KANK1: variants seen among roughly 807,000 people sequenced by gnomAD.
The protein encoded by KANK1 is KN motif and ankyrin repeat domains 1.
A neutral mutation model predicts 106.2 loss-of-function variants in KANK1; 109 were observed. The ratio of observed to expected loss-of-function variants is 1.03; its 90% CI spans 0.88 to 1.20. KANK1 has a LOEUF of 1.20. Among genes scored for constraint, KANK1 ranks in the 50% most tolerant of loss-of-function variants. The pLI, the probability that KANK1 is intolerant of heterozygous loss-of-function variation, is 0.00. For missense variants in KANK1, 2,399 were observed against 1,710.7 expected (o/e 1.40, Z -7.10); for synonymous variants, 873 against 652.2 (o/e 1.34, Z -5.16).
chr9:700,472 CTTAA>C (rs1335704264), intron 2 of KANK1, among the ~76,000 whole-genome samples: 1 of 152,212 alleles, frequency 6.6e-6, no homozygotes, highest in Non-Finnish European at 1.5e-5. Flanking sequence ...GATGTGCTAA[CTTAA>C]TTACTCTCAT....
intron 10 of KANK1, 122 bp downstream of exon 10, chr9:742,527 G>A (rs745430826): frequency 2.1e-5 from 15 of 713,386 alleles, no homozygotes; most frequent in East Asian, 8.2e-5. Flanking sequence ...GATTTGTGTC[G>A]CCATCTAGGT....
chr9:496,893 G>A (rs2058465992), intron 3 of KANK1, among the ~76,000 whole-genome samples: 1 of 152,134 alleles, frequency 6.6e-6, no homozygotes, highest in South Asian at 2.1e-4. Flanking sequence ...CTAGTAGAAT[G>A]ACATACACAT....
chr9:545,457 G>C (rs1005025732), intron 1 of KANK1, among the ~76,000 whole-genome samples: 10 of 152,190 alleles, frequency 6.6e-5, no homozygotes, highest in African/African-American at 2.4e-4. Context: ...GAGGTGATAA[G>C]ATCACCTAGT....
At chr9:738,758 G>A (rs1313855776) in intron 8 of KANK1, among the ~76,000 whole-genome samples, 8 of 152,220 alleles carry the variant, frequency 5.3e-5, no homozygotes, top group Admixed American at 5.2e-4. Context: ...CAGTTCAGCT[G>A]CATTCAAAAG....
At chr9:731,377 A>G (rs1832212641) in intron 5 of KANK1, 111 bp downstream of exon 5, 1 of 595,948 alleles carries the variant, frequency 1.7e-6, no homozygotes, top group Non-Finnish European at 3.0e-6. Flanking sequence ...GCAGTGATGA[A>G]AGATTCCCTC....
Position 710,886 on chromosome 9 carries a change from A to C in KANK1, c.120A>C (p.Gln40His), listed in dbSNP as rs754468839. 1.2e-6 allele frequency: 2 copies of C among 1,614,182 alleles called. No individual in the cohort carries two copies. Among genetic ancestry groups the C allele is most frequent in the Middle Eastern group, 3.3e-4 (2 of 6,062 alleles). Residue 40 changes from glutamine to histidine, a missense_variant, in exon 3 of 12, where the codon CAA (glutamine) becomes CAC (histidine). Physicochemically the swap from Gln to His is conservative, Grantham distance 24. Coordinates refer to ENST00000382297, the MANE Select transcript of KANK1 (RefSeq NM_015158.5). ...TTGTGGAGACCCCCTATGGTTATCA[A>C]CTAGACTTAGATTTCCTCAAATATG... Reference protein sequence around the residue: ...PYFVETPYGYQLDLDFLKYVD... With the variant: ...PYFVETPYGYHLDLDFLKYVD...
Position 494,410 on chromosome 9 carries a change from C to T in KANK1, c.-362+21137C>T, listed in dbSNP as rs746534142. Among the ~76,000 whole-genome samples, 110 of 152,196 alleles carry T rather than the reference C, an allele frequency of 7.2e-4. 1 individual carries two copies. Among genetic ancestry groups the T allele is most frequent in the Non-Finnish European group, 1.2e-3 (80 of 68,008 alleles). The stretch of plus-strand genomic sequence containing the variant: ...ACAAGATTCTTAGCATTTATACTGG[C>T]GGTATAGAATTCTCCCCTGTTACTG... On this transcript the variant is annotated intron_variant, in intron 3 of 15. Coordinates refer to the KANK1 transcript ENST00000382303.
chr9:637,766 C>T (rs907117756), intron 1 of KANK1, among the ~76,000 whole-genome samples: 1 of 152,096 alleles, frequency 6.6e-6, no homozygotes, highest in Non-Finnish European at 1.5e-5. Context: ...AGTGGGTACT[C>T]AGAGTATTTC....
At chr9:602,210 A>T (rs1485643702) in intron 1 of KANK1, among the ~76,000 whole-genome samples, 1 of 151,860 alleles carries the variant, frequency 6.6e-6, no homozygotes, top group Non-Finnish European at 1.5e-5. Flanking sequence ...TTCAATAACT[A>T]TTCCTGAGTT....
chr9:701,302 G>A (rs1316278108), intron 2 of KANK1, among the ~76,000 whole-genome samples: 1 of 152,136 alleles, frequency 6.6e-6, no homozygotes, highest in Non-Finnish European at 1.5e-5. Context: ...TAGTAGAGGT[G>A]GGGTTTCTCC....
At chr9:545,575 C>G (rs2060877534) in intron 1 of KANK1, among the ~76,000 whole-genome samples, 1 of 151,940 alleles carries the variant, frequency 6.6e-6, no homozygotes, top group African/African-American at 2.4e-5. Context: ...TTCATGGGTG[C>G]TTTTCAAGGA....
chr9:518,411 T>C (rs1237024154), intron 1 of KANK1, among the ~76,000 whole-genome samples: 1 of 151,530 alleles, frequency 6.6e-6, no homozygotes. Context: ...CCCAGGGCAG[T>C]TTTTACTTTA....
intron 1 of KANK1, among the ~76,000 whole-genome samples, chr9:584,592 C>T (rs143196183): frequency 1.6e-4 from 24 of 152,176 alleles, no homozygotes; most frequent in African/African-American, 4.1e-4. Context: ...TATCATTTAC[C>T]TACAGCAGAA....
intron 1 of KANK1, among the ~76,000 whole-genome samples, chr9:515,173 C>G (rs961469444): frequency 9.9e-5 from 15 of 151,402 alleles, no homozygotes; most frequent in African/African-American, 3.7e-4. Flanking sequence ...GAAACCCTAT[C>G]TCTACTAAAA....
intron 2 of KANK1, among the ~76,000 whole-genome samples, chr9:685,301 T>TG (rs1818336794): frequency 6.6e-6 from 1 of 152,166 alleles, no homozygotes; most frequent in Non-Finnish European, 1.5e-5. Flanking sequence ...TACGCTGCTA[T>TG]TTTGAGATTT....
rs146691252 is a variant in KANK1 at position 597,238 on chromosome 9, T to G, written c.-83-79652T>G. ...TTTTCAGTTCTTTTAGGTTCATACT[T>G]AGAGGTGTAATTGCTGGGTTATATG... On this transcript the variant is annotated intron_variant, in intron 1 of 11. Coordinates refer to ENST00000382297, the MANE Select transcript of KANK1 (RefSeq NM_015158.5). Among the ~76,000 whole-genome samples, 53 of 151,994 alleles carry G rather than the reference T, an allele frequency of 3.5e-4. 2 individuals carry two copies. Among genetic ancestry groups the G allele is most frequent in the African/African-American group, 1.2e-3 (50 of 41,238 alleles).
chr9:564,923 TGAAGACACTTGGCACAGACA>T (rs1377519045), intron 1 of KANK1, among the ~76,000 whole-genome samples: 4 of 152,190 alleles, frequency 2.6e-5, no homozygotes, highest in African/African-American at 4.8e-5. Flanking sequence ...AAGTGGGAAA[TGAAGACACTTGGCACAGACA>T]TGGCTGTTCA....
chr9:690,799 A>G (rs1400443784), intron 2 of KANK1, among the ~76,000 whole-genome samples: 17 of 152,160 alleles, frequency 1.1e-4, no homozygotes, highest in Admixed American at 1.1e-3. Context: ...CAAAGTTCCA[A>G]AGCCACCATC....
chr9:688,975 T>C (rs1277895152), intron 2 of KANK1, among the ~76,000 whole-genome samples: 1 of 152,194 alleles, frequency 6.6e-6, no homozygotes, highest in African/African-American at 2.4e-5. Context: ...TCACCTCTTT[T>C]AGGTGTGAGG....
Sources: allele counts gnomAD v4.1 joint callset (sites outside exome capture counted in the v4.1 genomes callset), GRCh38; gene constraint gnomAD v4.1.1; transcripts MANE v1.5; gene names NCBI Gene and HGNC (gene_info 2026-07-23, HGNC 2026-07-21).